Variants in CNBD1 observed in about 807,000 individuals in gnomAD.
CNBD1 encodes cyclic nucleotide binding domain containing 1.
CNBD1 carries 71 observed loss-of-function variants against 54.4 expected under a neutral mutation model. The observed-to-expected ratio is 1.30, with a 90% CI of 1.08 to 1.59. The LOEUF (loss-of-function observed/expected upper bound fraction) is 1.59. Among genes scored for constraint, CNBD1 ranks in the 40% most tolerant of loss-of-function variants. The pLI, the probability that CNBD1 is intolerant of heterozygous loss-of-function variation, is 0.00. For missense variants in CNBD1, 659 were observed against 518.0 expected (o/e 1.27, Z -2.64); for synonymous variants, 182 against 170.7 (o/e 1.07, Z -0.51).
At chr8:87,220,026 A>T (rs1284344153) in intron 5 of CNBD1, among the ~76,000 whole-genome samples, 1 of 152,032 alleles carries the variant, frequency 6.6e-6, no homozygotes, top group African/African-American at 2.4e-5. Flanking sequence ...TTTTAAAGTT[A>T]AGCAAAATAA....
At chr8:87,199,991 C>T (rs1399469960) in intron 4 of CNBD1, among the ~76,000 whole-genome samples, 1 of 152,052 alleles carries the variant, frequency 6.6e-6, no homozygotes, top group Non-Finnish European at 1.5e-5. Flanking sequence ...CCAAATTCAT[C>T]AAGTTGTCTA....
chr8:87,416,877 C>T (rs1807846277), intron 2 of CNBD1, among the ~76,000 whole-genome samples: 1 of 151,978 alleles, frequency 6.6e-6, no homozygotes, highest in Non-Finnish European at 1.5e-5. Flanking sequence ...TAAAAATTCT[C>T]AACAAACTTA....
intron 2 of CNBD1, among the ~76,000 whole-genome samples, chr8:87,423,746 T>G (rs982137753): frequency 6.6e-6 from 1 of 151,694 alleles, no homozygotes; most frequent in African/African-American, 2.4e-5. Flanking sequence ...TCTTTTTTGG[T>G]TGTGTCTCTG....
At chr8:87,187,354 A>T (rs982843) in intron 4 of CNBD1, among the ~76,000 whole-genome samples, 1 of 152,064 alleles carries the variant, frequency 6.6e-6, no homozygotes, top group Non-Finnish European at 1.5e-5. Context: ...TGATGGAAGA[A>T]TAAGAGTTTT....
At chr8:87,047,474 C>T (rs1052603674) in intron 4 of CNBD1, among the ~76,000 whole-genome samples, 4 of 152,126 alleles carry the variant, frequency 2.6e-5, no homozygotes, top group African/African-American at 4.8e-5. Flanking sequence ...TGGTACTGTT[C>T]GGGTCAAAGA....
At chr8:86,949,707 A>AT (rs1216426151) in intron 4 of CNBD1, among the ~76,000 whole-genome samples, 2 of 151,256 alleles carry the variant, frequency 1.3e-5, no homozygotes, top group Non-Finnish European at 2.9e-5. Context: ...GATGCCCTTT[A>AT]TTTTTTTTCT....
At chr8:86,944,711 GATT>G in intron 4 of CNBD1, among the ~76,000 whole-genome samples, 1 of 152,302 alleles carries the variant, frequency 6.6e-6, no homozygotes, top group Middle Eastern at 3.4e-3. Flanking sequence ...CCAGGGACCA[GATT>G]ATCATTTAGG....
intron 10 of CNBD1, among the ~76,000 whole-genome samples, chr8:87,372,277 A>G (rs1016671940): frequency 2.0e-5 from 3 of 151,994 alleles, no homozygotes; most frequent in African/African-American, 7.2e-5. Flanking sequence ...GCTGCTTTCA[A>G]GATTTTGTTT....
chr8:87,047,122 A>T (rs1325803231), intron 4 of CNBD1, among the ~76,000 whole-genome samples: 1 of 152,156 alleles, frequency 6.6e-6, no homozygotes, highest in African/African-American at 2.4e-5. Flanking sequence ...AGAGATTGTA[A>T]GTGTAATGTT....
Position 87,325,455 on chromosome 8 carries a change from A to G in CNBD1, c.1043-26230A>G, listed in dbSNP as rs1257731733. On this transcript the variant is annotated intron_variant, in intron 8 of 10. Coordinates refer to ENST00000518476, the MANE Select transcript of CNBD1 (RefSeq NM_173538.3). Reference sequence around the variant, plus strand: ...GGGAGTCTAAGTCTCTTTGTAGGTCACTCAGGACTTGCTTTATGAATCTGG... The same window carrying G: ...GGGAGTCTAAGTCTCTTTGTAGGTCGCTCAGGACTTGCTTTATGAATCTGG... Among the ~76,000 whole-genome samples, 70 of 88,894 alleles carry G rather than the reference A, an allele frequency of 7.9e-4. 3 individuals carry two copies. The South Asian group carries it at 0.02, about 26-fold the overall frequency. The allele number at this position is 88,894 out of a possible 152,430, so 58.3% of individuals were successfully genotyped here.
At chr8:87,383,492 G>T (rs7813294), downstream of CNBD1, among the ~76,000 whole-genome samples, 2 of 151,928 alleles carry the variant, frequency 1.3e-5, no homozygotes, top group Non-Finnish European at 2.9e-5. Context: ...TTCCCACATG[G>T]AGGAAATATA....
At chr8:87,255,199 A>G (rs1807986812) in intron 6 of CNBD1, among the ~76,000 whole-genome samples, 1 of 152,182 alleles carries the variant, frequency 6.6e-6, no homozygotes, top group African/African-American at 2.4e-5. Context: ...AAAAAAGTCG[A>G]CAGAGACAAC....
intron 8 of CNBD1, among the ~76,000 whole-genome samples, chr8:87,317,403 C>T (rs1017032095): frequency 1.3e-5 from 2 of 151,464 alleles, no homozygotes; most frequent in Non-Finnish European, 3.0e-5. Flanking sequence ...CTCAAAATGC[C>T]TTCCAGTTTT....
intron 4 of CNBD1, among the ~76,000 whole-genome samples, chr8:87,205,460 TAATA>T (rs1364553954): frequency 2.6e-5 from 4 of 152,184 alleles, no homozygotes; most frequent in Non-Finnish European, 4.4e-5. Context: ...TAAAAATAAA[TAATA>T]AATACCATGT....
intron 4 of CNBD1, among the ~76,000 whole-genome samples, chr8:87,108,145 G>C (rs1480488214): frequency 6.6e-6 from 1 of 152,056 alleles, no homozygotes; most frequent in East Asian, 1.9e-4. Flanking sequence ...GAGTTTATTT[G>C]TGGGTAGAGT....
At chr8:87,010,279 G>A (rs1809189076) in intron 4 of CNBD1, among the ~76,000 whole-genome samples, 1 of 151,886 alleles carries the variant, frequency 6.6e-6, no homozygotes, top group Admixed American at 6.6e-5. Flanking sequence ...ATGTGTTCCT[G>A]ACACGATTTT....
intron 3 of CNBD1, among the ~76,000 whole-genome samples, chr8:86,928,881 G>T (rs763264642): frequency 1.3e-5 from 2 of 152,164 alleles, no homozygotes; most frequent in Non-Finnish European, 2.9e-5. Flanking sequence ...TTGGTGGAGA[G>T]TCTTAAGTAT....
intron 3 of CNBD1, among the ~76,000 whole-genome samples, chr8:86,914,338 T>C (rs1161865553): frequency 6.6e-6 from 1 of 152,186 alleles, no homozygotes; most frequent in Non-Finnish European, 1.5e-5. Context: ...CCGTTCAGGG[T>C]CCCTGACTTC....
At position 87,036,572 on chromosome 8, in the gene CNBD1, C is replaced by T. The variant is rs186708381; in HGVS notation, c.431+96818C>T. Among the ~76,000 whole-genome samples the T allele has an allele frequency of 6.3e-3, 723 of 114,822 alleles. 7 individuals carry two copies. Among genetic ancestry groups the T allele is most frequent in the African/African-American group, 0.023 (679 of 29,660 alleles). 75.3% of individuals were successfully genotyped at this position (114,822 alleles called of 152,430 possible). ...TTGTGCCACTGCACTCCAGCCTGGG[C>T]GACAGAGCGAGACTGCATCTCTAAA... On this transcript the variant is annotated intron_variant, in intron 4 of 10. Transcript: ENST00000518476.
Sources: gnomAD v4.1 joint callset for allele counts (sites outside exome capture counted in the v4.1 genomes callset) on GRCh38, gnomAD v4.1.1 for gene constraint, MANE v1.5 for transcripts, NCBI Gene and HGNC (gene_info 2026-07-23, HGNC 2026-07-21) for gene names.